TROAP: variants seen among roughly 807,000 people sequenced by gnomAD.
TROAP encodes trophinin associated protein.
TROAP carries 62 observed loss-of-function variants against 83.4 expected under a neutral mutation model. The ratio of observed to expected loss-of-function variants is 0.74; its 90% CI spans 0.61 to 0.92. The LOEUF is 0.92. TROAP is among the 40% of genes least tolerant of loss of function. TROAP has a pLI of 0.00. For synonymous variants in TROAP, 352 were observed against 386.4 expected (o/e 0.91, Z 1.04); for missense variants, 876 against 985.1 (o/e 0.89, Z 1.48).
In TROAP at chr12:49,331,385, T is replaced by C; in HGVS notation, c.2270T>C (p.Leu757Ser). 6.2e-7 allele frequency: 1 copy of C among 1,613,662 alleles called. No individual in the cohort carries two copies. Among genetic ancestry groups the C allele is most frequent in the Non-Finnish European group, 8.5e-7 (1 of 1,179,642 alleles). Residue 757 changes from leucine (L) to serine (S), a missense_variant, in exon 14 of 15, where the codon TTA becomes TCA. This residue lies in a region of TROAP where 184 missense variants were observed against 238.3 expected (regional missense o/e 0.77). Coordinates refer to ENST00000257909, the MANE Select transcript of TROAP (RefSeq NM_005480.4). ...GTCTGCACCAACCCTGTGGCTACAT[T>C]ACTCGAATGGCAGGATGCCCTGGTG... ...TRVCTNPVAT[L>S]LEWQDALCFI...
chr12:49,331,539 G>A, intron 14 of TROAP, 34 bp from the exon 15 acceptor site: 1 of 1,614,188 alleles, frequency 6.2e-7, no homozygotes, highest in Non-Finnish European at 8.5e-7. Context: ...GTGCAAGGTT[G>A]GCTGAGCTGT....
Position 49,329,169 on chromosome 12 carries a change from T to G in TROAP, c.1029T>G (p.Tyr343Ter), listed in dbSNP as rs1342625194. ...PSPGPPTLTS[Y>*]SVLRRLTVQP... ...CCCACATCTCTCCCCAGACCTCATATTCAGTGTTGCGGCGTCTCACCGTTC... is the reference window on the plus strand; with the variant it reads ...CCCACATCTCTCCCCAGACCTCATAGTCAGTGTTGCGGCGTCTCACCGTTC... Residue 343 changes from tyrosine (Y) to a stop codon, truncating the protein, a stop_gained, in exon 10 of 15, where the codon TAT becomes TAG. Coordinates refer to ENST00000257909, the MANE Select transcript of TROAP (RefSeq NM_005480.4). LOFTEE classifies it high-confidence loss of function. This position sits in a 1 kb window ranked among gnomAD's most constrained non-coding sequence, Gnocchi z 4.5. The G allele has an allele frequency of 1.9e-6, 3 of 1,614,058 alleles. No homozygotes were observed. The highest frequency in any genetic ancestry group is 2.2e-5 in the East Asian group (1 of 44,898).
chr12:49,326,113 G>T lies in TROAP; in HGVS notation c.671G>T (p.Arg224Leu), dbSNP rs151075525. 5.6e-6 allele frequency: 9 copies of T among 1,613,872 alleles called. No homozygotes were observed. In the South Asian group the frequency reaches 6.6e-5, roughly 12 times the overall value. The change falls in exon 6 of 15, where the codon CGC becomes CTC. Residue 224 changes from arginine (R) to leucine (L), a missense_variant. Physicochemically the swap from Arg to Leu is moderately radical, Grantham distance 102. This residue lies in a region of TROAP where 689 missense variants were observed against 722.6 expected (regional missense o/e 0.95). Transcript: ENST00000257909. Reference sequence around the variant, plus strand: ...GGACCTTCCTTTCACCCTTCCACTCGCCCCAGTTTCCAGGAGCTAAGAAGG... The same window carrying T: ...GGACCTTCCTTTCACCCTTCCACTCTCCCCAGTTTCCAGGAGCTAAGAAGG... The part of the protein sequence containing the change: ...PSGPSFHPST[R>L]PSFQELRRET...
At chr12:49,325,367 A>T (rs779542100) in intron 3 of TROAP, 134 bp from the exon 4 acceptor site, 13 of 160,718 alleles carry the variant, frequency 8.1e-5, no homozygotes, top group South Asian at 1.9e-4. Context: ...TCTATTTCTT[A>T]AAAAAAAAAA....
At position 49,325,506 on chromosome 12, in the gene TROAP, C is replaced by G; in HGVS notation, c.343C>G (p.Pro115Ala). Residue 115 changes from proline to alanine, a missense_variant, in exon 4 of 15, where the codon CCA (proline) becomes GCA (alanine). Coordinates refer to ENST00000257909, the MANE Select transcript of TROAP (RefSeq NM_005480.4). ...GPGPPAQTEA[P>A]GTIEFVADPA... ...CTTCTCCTCTTTCCTTGCAGAGGCT[C>G]CAGGGACCATAGAGTTTGTGGCTGA... 1 of 1,613,722 alleles carries G rather than the reference C, an allele frequency of 6.2e-7. No homozygotes were observed. The highest frequency in any genetic ancestry group is 1.1e-5 in the South Asian group (1 of 91,042).
chr12:49,323,728 G>A lies in TROAP; in HGVS notation c.120G>A (p.Val40=), dbSNP rs767098878. ...TPFPTVTSCA[V]DQENQDPRRW... ...TCCCCACTGTTACATCGTGCGCCGT[G>A]GACCAGGAGAACCAAGATCCAAGGG... is the stretch of plus-strand genomic sequence containing the variant. The change falls in exon 2 of 15, where the codon GTG becomes GTA. Residue 40 remains valine, a synonymous_variant. Transcript: ENST00000257909. The A allele has an allele frequency of 4.3e-6, 7 of 1,614,000 alleles. No homozygotes were observed. Among genetic ancestry groups the A allele is most frequent in the Admixed American group, 1.7e-5 (1 of 59,990 alleles).
intron 3 of TROAP, 121 bp from the exon 4 acceptor site, chr12:49,325,380 A>AG: frequency 8.9e-7 from 1 of 1,117,598 alleles, no homozygotes; most frequent in South Asian, 1.8e-5. Context: ...AAAAAAAAAA[A>AG]AAATAAGCCA....
chr12:49,330,395 C>G lies in TROAP; in HGVS notation c.1550C>G (p.Pro517Arg). ...TGCGGGGAACCACAGCCCTGCCCTC[C>G]GGCAGAGCCTGGGCCCCCAGAGGCC... Reference protein sequence around the residue: ...EECGEPQPCPPAEPGPPEAFC... With the variant: ...EECGEPQPCPRAEPGPPEAFC... Residue 517 changes from proline to arginine, a missense_variant, in exon 13 of 15, where the codon CCG becomes CGG. Coordinates refer to ENST00000257909, the MANE Select transcript of TROAP (RefSeq NM_005480.4). 1.2e-6 allele frequency: 2 copies of G among 1,614,158 alleles called. No individual in the cohort carries two copies. Among genetic ancestry groups the G allele is most frequent in the Non-Finnish European group, 1.7e-6 (2 of 1,180,002 alleles).
chr12:49,331,101 T>A, intron 13 of TROAP, 113 bp from the exon 14 acceptor site: 1 of 1,537,610 alleles, frequency 6.5e-7, no homozygotes, highest in Non-Finnish European at 8.9e-7. Flanking sequence ...GGGGCTGCAC[T>A]TCCAGCCCTG....
In TROAP at chr12:49,329,869, G is replaced by C. The variant is rs368857347; in HGVS notation, c.1177G>C (p.Val393Leu). ...DPALPWEQVAVRLFDQESCIR... is the reference protein window; with the variant it reads ...DPALPWEQVALRLFDQESCIR... ...TCCTTGGTGACAGGAGCAGGTTGCCGTCCGGTTGTTTGACCAGGAGAGTTG... is the reference window on the plus strand; with the variant it reads ...TCCTTGGTGACAGGAGCAGGTTGCCCTCCGGTTGTTTGACCAGGAGAGTTG... The change falls in exon 12 of 15, where the codon GTC (valine) becomes CTC (leucine). Residue 393 changes from valine to leucine, a missense_variant. Physicochemically the swap from Val to Leu is conservative, Grantham distance 32. Around this residue, in one of 3 missense-constraint regions of TROAP, gnomAD observed 689 missense variants for 722.6 expected, o/e 0.95. Transcript: ENST00000257909. This position sits in a 1 kb window ranked among gnomAD's most constrained non-coding sequence, Gnocchi z 4.5. 6.2e-7 allele frequency: 1 copy of C among 1,613,914 alleles called. No homozygotes were observed. The highest frequency in any genetic ancestry group is 1.7e-5 in the Admixed American group (1 of 59,990).
At chr12:49,324,716 CTCT>C (rs1943467634) in intron 3 of TROAP, 1 of 150,978 alleles carries the variant, frequency 6.6e-6, no homozygotes, top group South Asian at 2.1e-4. Context: ...ATCTCTTTTT[CTCT>C]TTTTTTTTTT....
intron 3 of TROAP, 56 bp from the exon 4 acceptor site, chr12:49,325,445 G>A: frequency 6.4e-7 from 1 of 1,552,910 alleles, no homozygotes; most frequent in Non-Finnish European, 8.7e-7. Context: ...CCTATGCTAG[G>A]GGCCCTATCC....
chr12:49,331,043 C>T (rs766283272), intron 13 of TROAP, 100 bp downstream of exon 13: 5 of 1,551,982 alleles, frequency 3.2e-6, no homozygotes, highest in Non-Finnish European at 2.6e-6. Context: ...CTCATGCTTC[C>T]ACACCTTCCA....
At chr12:49,324,346 AAAAT>A (rs562607745) in intron 3 of TROAP, 35 of 582,776 alleles carry the variant, frequency 6.0e-5, no homozygotes, top group Non-Finnish European at 8.6e-5. Flanking sequence ...ATCTCTTTAA[AAAAT>A]AAATAAATAA....
chr12:49,327,241 G>T lies in TROAP; in HGVS notation c.802G>T (p.Val268Phe). 3.1e-6 allele frequency: 5 copies of T among 1,614,228 alleles called. No homozygotes were observed. Among genetic ancestry groups the T allele is most frequent in the Non-Finnish European group, 4.2e-6 (5 of 1,180,024 alleles). Residue 268 changes from valine to phenylalanine, a missense_variant, in exon 8 of 15, where the codon GTC (valine) becomes TTC (phenylalanine). Physicochemically the swap from Val to Phe is conservative, Grantham distance 50. This residue lies in a region of TROAP where 689 missense variants were observed against 722.6 expected (regional missense o/e 0.95). Transcript: ENST00000257909. ...TCTTCCTAAAGGAGAACGCGAGGTT[G>T]TCACTCACTCAGATGAAGGAGGTGT... ...FSLPKGEREV[V>F]THSDEGGVAS...
rs749875639 is a variant in TROAP at position 49,323,731 on chromosome 12, C to T, written c.123C>T (p.Asp41=). ...CCACTGTTACATCGTGCGCCGTGGA[C>T]CAGGAGAACCAAGATCCAAGGGTAA... is the stretch of plus-strand genomic sequence containing the variant. ...PFPTVTSCAV[D]QENQDPRRWV... is the part of the protein sequence containing the mutation. The change falls in exon 2 of 15, where the codon GAC becomes GAT. Residue 41 remains aspartate, a synonymous_variant. Transcript: ENST00000257909. 2 of 1,614,112 alleles carry T rather than the reference C, an allele frequency of 1.2e-6. No homozygotes were observed. Among genetic ancestry groups the T allele is most frequent in the Non-Finnish European group, 8.5e-7 (1 of 1,180,022 alleles).
rs546122366 is a variant in TROAP, at chr12:49,326,590, G to T, written c.717-78G>T. On this transcript the variant is annotated intron_variant, in intron 6 of 14. Coordinates refer to ENST00000257909, the MANE Select transcript of TROAP (RefSeq NM_005480.4). ...TGTCATGAGAATGAAATGAGATGAT[G>T]TTTGTAAAGCACTTAGCACATGTCC... The T allele has an allele frequency of 3.8e-5, 53 of 1,405,498 alleles. No individual in the cohort carries two copies. The East Asian group carries it at 1.3e-3, about 34-fold the overall frequency. 87.1% of individuals were successfully genotyped at this position (1,405,498 alleles called of 1,614,324 possible). A position where few individuals can be genotyped will look rare whatever the true frequency, so the allele number is the denominator to read the frequency against.
In TROAP at chr12:49,323,339, G is replaced by A. The variant is rs980062538; in HGVS notation, c.-16G>A. ...GAGGAAGCTGGGTAGGCCCTGAGGGGCCTCGGTAAGGTAAGGCACGGGGGT... is the reference window on the plus strand; with the variant it reads ...GAGGAAGCTGGGTAGGCCCTGAGGGACCTCGGTAAGGTAAGGCACGGGGGT... On this transcript the variant is annotated 5_prime_UTR_variant, in exon 1 of 15. Transcript: ENST00000257909. 31 of 426,806 alleles carry A rather than the reference G, an allele frequency of 7.3e-5. No homozygotes were observed. Among genetic ancestry groups the A allele is most frequent in the African/African-American group, 1.2e-4 (6 of 49,076 alleles). 26.4% of individuals were successfully genotyped at this position (426,806 alleles called of 1,614,324 possible).
Position 49,330,480 on chromosome 12 carries a change from A to G in TROAP, c.1635A>G (p.Pro545=). ...CCCTCCAGGAACAGCTTGAAGTACC[A>G]GAGCCCTACCCTCCAGCAGAACCCA... The part of the protein sequence containing the change: ...EPSLQEQLEV[P]EPYPPAEPRP... Residue 545 remains proline, a synonymous_variant, in exon 13 of 15, where the codon CCA becomes CCG. Coordinates refer to ENST00000257909, the MANE Select transcript of TROAP (RefSeq NM_005480.4). The G allele has an allele frequency of 1.9e-6, 3 of 1,612,814 alleles. No individual in the cohort carries two copies. Among genetic ancestry groups the G allele is most frequent in the Non-Finnish European group, 2.5e-6 (3 of 1,179,472 alleles).
Sources: allele counts gnomAD v4.1 joint callset, GRCh38; gene constraint gnomAD v4.1.1; regional missense constraint gnomAD v4.1.1; non-coding constraint Gnocchi (gnomAD v3.1); transcripts MANE v1.5; gene names NCBI Gene and HGNC (gene_info 2026-07-23, HGNC 2026-07-21).